SSH2: variants seen among roughly 807,000 people sequenced by gnomAD.
SSH2 encodes protein phosphatase Slingshot homolog 2.
In SSH2, 37 loss-of-function variants were observed where a neutral mutation model predicts 135.2. The observed-to-expected ratio is 0.27, with a 90% CI of 0.21 to 0.36. The LOEUF is 0.36. Among genes scored for constraint, SSH2 ranks in the 10% least tolerant of loss-of-function variants. The pLI, the probability that SSH2 is intolerant of heterozygous loss-of-function variation, is 1.00. For synonymous variants in SSH2, 628 were observed against 646.2 expected, an observed-to-expected ratio of 0.97 and a Z score of 0.43; for missense variants, 1,408 against 1,765.3, an observed-to-expected ratio of 0.80 and a Z score of 3.63.
intron 1 of SSH2, among the ~76,000 whole-genome samples, chr17:29,891,375 T>C (rs1423150143): frequency 6.6e-6 from 1 of 152,186 alleles, no homozygotes; most frequent in Non-Finnish European, 1.5e-5. Context: ...TTGCTACAAA[T>C]AGTTCTCTGC....
At chr17:29,752,471 G>GA (rs1275640114) in intron 3 of SSH2, among the ~76,000 whole-genome samples, 1 of 151,032 alleles carries the variant, frequency 6.6e-6, no homozygotes, top group Non-Finnish European at 1.5e-5. Flanking sequence ...TATCCAATTG[G>GA]AAAAAAAAGG....
intron 14 of SSH2, among the ~76,000 whole-genome samples, chr17:29,638,772 T>G (rs1420062147): frequency 6.6e-6 from 1 of 152,034 alleles, no homozygotes; most frequent in Non-Finnish European, 1.5e-5. Flanking sequence ...CCCAGGCTGG[T>G]CTTGAACTCC....
chr17:29,630,356 G>GT lies in SSH2; in HGVS notation c.*484_*485insA, dbSNP rs2035615885. The GT allele has an allele frequency of 6.6e-6, 1 of 152,526 alleles. No individual in the cohort carries two copies. Among genetic ancestry groups the GT allele is most frequent in the Admixed American group, 6.5e-5 (1 of 15,286 alleles). The allele number at this position is 152,526 out of a possible 1,614,324, so 9.4% of individuals were successfully genotyped here. A position where few individuals can be genotyped will look rare whatever the true frequency, so the allele number is the denominator to read the frequency against. On this transcript the variant is annotated 3_prime_UTR_variant, in exon 16 of 16. Coordinates refer to ENST00000540801, the MANE Select transcript of SSH2 (RefSeq NM_001282129.2). ...AGGGCTGCGGCTGGATGAAGGCTGA[G>GT]AGCCCTCTGACTTCTGGCTGACCTT...
At chr17:29,875,370 C>A (rs2066009405) in intron 1 of SSH2, among the ~76,000 whole-genome samples, 1 of 152,188 alleles carries the variant, frequency 6.6e-6, no homozygotes, top group Admixed American at 6.5e-5. Context: ...CCTGTAGGTT[C>A]TATATCCAAA....
At chr17:29,900,562 A>G (rs2066531893) in intron 1 of SSH2, among the ~76,000 whole-genome samples, 1 of 152,246 alleles carries the variant, frequency 6.6e-6, no homozygotes, top group African/African-American at 2.4e-5. Flanking sequence ...AGAAATGCAA[A>G]TCAAAACCAC....
At chr17:29,836,112 G>A (rs778140912) in intron 2 of SSH2, among the ~76,000 whole-genome samples, 9 of 152,056 alleles carry the variant, frequency 5.9e-5, no homozygotes, top group Non-Finnish European at 1.3e-4. Flanking sequence ...CCAGAGATGT[G>A]AGTCACAACC....
At chr17:29,747,470 G>A (rs1035234550) in intron 3 of SSH2, among the ~76,000 whole-genome samples, 1 of 152,138 alleles carries the variant, frequency 6.6e-6, no homozygotes, top group Non-Finnish European at 1.5e-5. Context: ...TGCAAAAAGG[G>A]TGAGCCCAGA....
rs2035895421 is a variant in SSH2, at chr17:29,635,895, C to T, written c.2262+73G>A. Reference sequence around the variant, plus strand: ...AGCCAGACTCTCCATCAAAAACAAACATAACATAATCCCAAATAATTTACC... The same window carrying T: ...AGCCAGACTCTCCATCAAAAACAAATATAACATAATCCCAAATAATTTACC... On this transcript the variant is annotated intron_variant, in intron 15 of 15. Coordinates refer to ENST00000540801, the MANE Select transcript of SSH2 (RefSeq NM_001282129.2). 3.4e-6 allele frequency: 4 copies of T among 1,169,770 alleles called. No homozygotes were observed. In the Admixed American group the frequency reaches 9.0e-5, roughly 26 times the overall value. The allele number at this position is 1,169,770 out of a possible 1,614,324, so 72.5% of individuals were successfully genotyped here.
intron 3 of SSH2, among the ~76,000 whole-genome samples, chr17:29,765,855 AT>A (rs996045360): frequency 6.6e-6 from 1 of 151,868 alleles, no homozygotes; most frequent in African/African-American, 2.4e-5. Flanking sequence ...CTCCTTCTCT[AT>A]TAAAAATACA....
intron 1 of SSH2, among the ~76,000 whole-genome samples, chr17:29,929,680 T>C (rs537974742): frequency 6.6e-6 from 1 of 151,570 alleles, no homozygotes; most frequent in East Asian, 2.0e-4. Context: ...GCTCAAGCCA[T>C]AGGGAGGCAT....
intron 3 of SSH2, among the ~76,000 whole-genome samples, chr17:29,703,373 C>A (rs917301489): frequency 1.5e-4 from 22 of 149,484 alleles, no homozygotes; most frequent in African/African-American, 4.9e-4. Context: ...CTCAGCCTCC[C>A]GAGTAGGCTG....
rs184507830 is a variant in SSH2 at position 29,712,223 on chromosome 17, G to A, written c.189-9161C>T. Among the ~76,000 whole-genome samples, 8 of 152,310 alleles carry A rather than the reference G, an allele frequency of 5.3e-5. No homozygotes were observed. The East Asian group carries it at 9.7e-4, about 18-fold the overall frequency. On this transcript the variant is annotated intron_variant, in intron 3 of 15. Transcript: ENST00000540801. ...TTTGCATTTATTTCACTGGGCAGAG[G>A]AGGGATGACTTTGAGTTCTGTCTGT... is the stretch of plus-strand genomic sequence containing the variant.
At chr17:29,812,056 C>G (rs935582695) in intron 2 of SSH2, among the ~76,000 whole-genome samples, 4 of 151,652 alleles carry the variant, frequency 2.6e-5, no homozygotes, top group Non-Finnish European at 5.9e-5. Context: ...ATCTCTAACC[C>G]TCATGAAAAA....
chr17:29,741,829 T>G (rs1427420406), intron 3 of SSH2, among the ~76,000 whole-genome samples: 1 of 151,902 alleles, frequency 6.6e-6, no homozygotes, highest in African/African-American at 2.4e-5. Flanking sequence ...TTGGCCAGGC[T>G]GGTGTTGAAT....
intron 3 of SSH2, among the ~76,000 whole-genome samples, chr17:29,748,965 G>A (rs996949518): frequency 4.6e-5 from 7 of 152,186 alleles, no homozygotes; most frequent in Non-Finnish European, 8.8e-5. Context: ...GTTCAGTTAT[G>A]TAAGGATGAT....
intron 4 of SSH2, among the ~76,000 whole-genome samples, chr17:29,696,317 TATAC>T (rs909036987): frequency 1.3e-5 from 2 of 149,246 alleles, no homozygotes; most frequent in African/African-American, 4.9e-5. Flanking sequence ...TGTATATAAA[TATAC>T]ATACATATAT....
intron 2 of SSH2, among the ~76,000 whole-genome samples, chr17:29,833,704 CCTCT>C (rs1311076883): frequency 2.4e-5 from 3 of 123,004 alleles, no homozygotes; most frequent in South Asian, 3.3e-4. Context: ...TCCTTCCCTC[CCTCT>C]CTTTCCCTCC....
chr17:29,819,181 G>A (rs1045135831), intron 2 of SSH2, among the ~76,000 whole-genome samples: 2 of 151,604 alleles, frequency 1.3e-5, no homozygotes, highest in African/African-American at 4.9e-5. Flanking sequence ...AGCCAAGATC[G>A]CGCCATTGAA....
At chr17:29,823,772 G>C (rs891834732) in intron 2 of SSH2, among the ~76,000 whole-genome samples, 1 of 151,480 alleles carries the variant, frequency 6.6e-6, no homozygotes, top group African/African-American at 2.4e-5. Context: ...CCAGCTACTC[G>C]GGAGGCTGAA....
Sources: gnomAD v4.1 joint callset for allele counts (sites outside exome capture counted in the v4.1 genomes callset) on GRCh38, gnomAD v4.1.1 for gene constraint, MANE v1.5 for transcripts, NCBI Gene and HGNC (gene_info 2026-07-23, HGNC 2026-07-21) for gene names.